The following COL14A1 variants were observed in gnomAD, a reference collection of about 807,000 sequenced individuals.
COL14A1 encodes collagen type XIV alpha 1 chain, also known as collagen alpha-1(XIV) chain.
A neutral mutation model predicts 230.3 loss-of-function variants in COL14A1; 136 were observed. That is an observed-to-expected ratio of 0.59 (90% CI 0.51 to 0.68). The LOEUF is 0.68. Among genes scored for constraint, COL14A1 ranks in the 30% least tolerant of loss-of-function variants. The pLI is 0.00. For missense variants in COL14A1, 1,976 were observed against 2,215.8 expected, an observed-to-expected ratio of 0.89 and a Z score of 2.17; for synonymous variants, 792 against 784.1, an observed-to-expected ratio of 1.01 and a Z score of -0.17.
intron 33 of COL14A1, among the ~76,000 whole-genome samples, chr8:120,287,212 T>C (rs1490712035): frequency 6.6e-6 from 1 of 150,956 alleles, no homozygotes; most frequent in African/African-American, 2.4e-5. Context: ...TAAGAACAGT[T>C]GCTAAAAAAA....
chr8:120,307,995 T>C (rs1820904788), intron 36 of COL14A1, among the ~76,000 whole-genome samples: 2 of 152,238 alleles, frequency 1.3e-5, no homozygotes. Context: ...AATTTTTAAT[T>C]TTTTGAGACG....
Position 120,371,374 on chromosome 8 carries a change from A to ATAT in COL14A1, c.*158_*160dup, listed in dbSNP as rs1011826042. 13 of 399,630 alleles carry ATAT rather than the reference A, an allele frequency of 3.3e-5. No homozygotes were observed. Among genetic ancestry groups the ATAT allele is most frequent in the South Asian group, 1.3e-4 (1 of 7,956 alleles). The allele number at this position is 399,630 out of a possible 1,614,324, so 24.8% of individuals were successfully genotyped here. A position where few individuals can be genotyped will look rare whatever the true frequency, so the allele number is the denominator to read the frequency against. ...TAAATCTCCTCCTTGGATAATGTTA[A>ATAT]TATTATTATTATTATTAACAAAAAA... On this transcript the variant is annotated 3_prime_UTR_variant, in exon 48 of 48. Transcript: ENST00000297848.
At chr8:120,245,198 ATTATCCT>A (rs1818726153) in intron 20 of COL14A1, among the ~76,000 whole-genome samples, 1 of 152,048 alleles carries the variant, frequency 6.6e-6, no homozygotes, top group African/African-American at 2.4e-5. Context: ...TGTCTATGAT[ATTATCCT>A]TTTTTGTTTG....
rs1373062074 is a variant in COL14A1 at position 120,353,497 on chromosome 8, A to G, written c.5077+7934A>G. On this transcript the variant is annotated intron_variant, in intron 45 of 47. Transcript: ENST00000297848. ...AATTTTCGCAACCTACTCATCTGACAAAGGGCTAATATCCAGAATCTACAA... is the reference window on the plus strand; with the variant it reads ...AATTTTCGCAACCTACTCATCTGACGAAGGGCTAATATCCAGAATCTACAA... 3.7e-3 allele frequency among the ~76,000 whole-genome samples: 539 copies of G among 144,114 alleles called. 8 individuals are homozygous for G. Among genetic ancestry groups the G allele is most frequent in the African/African-American group, 0.013 (507 of 37,794 alleles). 94.5% of individuals were successfully genotyped at this position (144,114 alleles called of 152,430 possible). A position where few individuals can be genotyped will look rare whatever the true frequency, so the allele number is the denominator to read the frequency against.
intron 14 of COL14A1, among the ~76,000 whole-genome samples, chr8:120,218,517 G>A (rs1286165864): frequency 6.6e-6 from 1 of 151,852 alleles, no homozygotes; most frequent in Non-Finnish European, 1.5e-5. Context: ...ACCATGTTGT[G>A]CAGGCTAGTC....
At chr8:120,343,557 A>G (rs549383559) in intron 44 of COL14A1, among the ~76,000 whole-genome samples, 1 of 152,320 alleles carries the variant, frequency 6.6e-6, no homozygotes, top group East Asian at 1.9e-4. Flanking sequence ...AAGAGTTTTC[A>G]TTAAGGCAAA....
intron 23 of COL14A1, among the ~76,000 whole-genome samples, chr8:120,260,605 G>A (rs957963365): frequency 3.3e-5 from 5 of 152,134 alleles, no homozygotes; most frequent in African/African-American, 1.2e-4. Flanking sequence ...TTAAACAAAT[G>A]CAATTTATGG....
At chr8:120,341,465 A>G (rs762543682) in intron 43 of COL14A1, 105 bp downstream of exon 43, 1 of 1,194,460 alleles carries the variant, frequency 8.4e-7, no homozygotes, top group African/African-American at 1.5e-5. Flanking sequence ...ATTCATTGCA[A>G]TTGTACCAGT....
chr8:120,334,423 T>A (rs1821979926), intron 42 of COL14A1, among the ~76,000 whole-genome samples: 1 of 152,148 alleles, frequency 6.6e-6, no homozygotes, highest in African/African-American at 2.4e-5. Context: ...TCTTTTTATA[T>A]CAACCTAGTA....
chr8:120,274,877 C>T (rs1351112654), intron 26 of COL14A1, among the ~76,000 whole-genome samples: 4 of 151,708 alleles, frequency 2.6e-5, no homozygotes, highest in Non-Finnish European at 3.0e-5. Flanking sequence ...GCATCCCATG[C>T]TCATGGATTG....
At chr8:120,303,494 A>T (rs1011872470) in intron 36 of COL14A1, among the ~76,000 whole-genome samples, 3 of 152,166 alleles carry the variant, frequency 2.0e-5, no homozygotes, top group African/African-American at 7.2e-5. Context: ...TATTGAGATA[A>T]TTACGTGGTT....
chr8:120,263,987 A>C (rs1156615677), intron 24 of COL14A1, among the ~76,000 whole-genome samples: 2 of 152,188 alleles, frequency 1.3e-5, no homozygotes, highest in Non-Finnish European at 2.9e-5. Flanking sequence ...TATATAACAT[A>C]AAATTTAAGT....
At chr8:120,235,430 A>G (rs137965647) in intron 19 of COL14A1, among the ~76,000 whole-genome samples, 1,596 of 152,128 alleles carry the variant, frequency 0.01, 15 homozygotes, top group South Asian at 0.031. Context: ...TGGCCTCCCA[A>G]AGTGCTGGGA....
chr8:120,193,000 T>C (rs1448657898), intron 5 of COL14A1, among the ~76,000 whole-genome samples: 5 of 152,220 alleles, frequency 3.3e-5, no homozygotes, highest in Non-Finnish European at 5.9e-5. Flanking sequence ...AATTTCCTCC[T>C]GTAGCTCGGA....
intron 33 of COL14A1, among the ~76,000 whole-genome samples, chr8:120,287,226 A>C (rs1317754379): frequency 6.6e-6 from 1 of 152,108 alleles, no homozygotes; most frequent in African/African-American, 2.4e-5. Context: ...AAAAAAAAAA[A>C]AACAACTTGC....
chr8:120,322,879 T>C (rs1821507384), intron 40 of COL14A1, among the ~76,000 whole-genome samples: 1 of 152,228 alleles, frequency 6.6e-6, no homozygotes, highest in African/African-American at 2.4e-5. Flanking sequence ...GCATGTGTCT[T>C]TATAATAGAA....
At chr8:120,247,346 C>G (rs901368180) in intron 20 of COL14A1, among the ~76,000 whole-genome samples, 1 of 152,062 alleles carries the variant, frequency 6.6e-6, no homozygotes, top group African/African-American at 2.4e-5. Context: ...TTACTTGAAT[C>G]CAGGAGGTGG....
Position 120,354,331 on chromosome 8 carries a change from T to C in COL14A1, c.5077+8768T>C, listed in dbSNP as rs556746929. ...GGGTGCAGCGCACCAGCATGGCACA[T>C]GTATACATATGTAACTAACCTGCAC... On this transcript the variant is annotated intron_variant, in intron 45 of 47. Transcript: ENST00000297848. Among the ~76,000 whole-genome samples the C allele has an allele frequency of 9.9e-4, 131 of 132,228 alleles. 1 individual carries two copies. Among genetic ancestry groups the C allele is most frequent in the African/African-American group, 3.6e-3 (123 of 33,754 alleles). 86.7% of individuals were successfully genotyped at this position (132,228 alleles called of 152,430 possible).
intron 31 of COL14A1, 120 bp from the exon 32 acceptor site, chr8:120,283,516 A>T: frequency 1.0e-6 from 1 of 970,664 alleles, no homozygotes; most frequent in Non-Finnish European, 1.5e-6. Flanking sequence ...AGTTGGTGTT[A>T]ATGGTGGTCT....
Sources: gnomAD v4.1 joint callset for allele counts (sites outside exome capture counted in the v4.1 genomes callset) on GRCh38, gnomAD v4.1.1 for gene constraint, MANE v1.5 for transcripts, NCBI Gene and HGNC (gene_info 2026-07-23, HGNC 2026-07-21) for gene names.